Variants in GREB1L observed in about 807,000 individuals in gnomAD.
The protein encoded by GREB1L is GREB1-like protein.
GREB1L carries 17 observed loss-of-function variants against 200.8 expected under a neutral mutation model. The ratio of observed to expected loss-of-function variants is 0.08; its 90% CI spans 0.06 to 0.13. The LOEUF (loss-of-function observed/expected upper bound fraction) is 0.13, where lower values mean the gene tolerates loss of function less well. GREB1L is among the 10% of genes least tolerant of loss of function. GREB1L has a pLI of 1.00. For synonymous variants in GREB1L, 789 were observed against 893.0 expected, an observed-to-expected ratio of 0.88 and a Z score of 2.08; for missense variants, 1,657 against 2,367.7, an observed-to-expected ratio of 0.70 and a Z score of 6.23.
chr18:21,279,663 G>T (rs1199037550), intron 1 of GREB1L, among the ~76,000 whole-genome samples: 1 of 151,838 alleles, frequency 6.6e-6, no homozygotes, highest in African/African-American at 2.4e-5. Flanking sequence ...TTAAGAGGTG[G>T]GGTCTTGCTA....
chr18:21,389,641 C>G (rs2040710777), intron 4 of GREB1L, among the ~76,000 whole-genome samples: 1 of 152,120 alleles, frequency 6.6e-6, no homozygotes, highest in Admixed American at 6.6e-5. Context: ...CTAACTGTGC[C>G]TTCTCTACTC....
chr18:21,286,745 G>T (rs534971483), intron 1 of GREB1L, among the ~76,000 whole-genome samples: 1 of 152,296 alleles, frequency 6.6e-6, no homozygotes, highest in South Asian at 2.1e-4. Context: ...TGATCTGCCT[G>T]CCTTGGCCTC....
At chr18:21,284,374 A>AT (rs2038320145) in intron 1 of GREB1L, among the ~76,000 whole-genome samples, 1 of 152,174 alleles carries the variant, frequency 6.6e-6, no homozygotes, top group African/African-American at 2.4e-5. Flanking sequence ...TCACTGATGT[A>AT]TCTGTCTCTA....
Position 21,490,175 on chromosome 18 carries a change from A to G in GREB1L, c.2854A>G (p.Ser952Gly). Reference sequence around the variant, plus strand: ...CATCAGCTCCCCAGGCAAAAACAAAAGTGGGAGGGGACACATGCTCATTAT... The same window carrying G: ...CATCAGCTCCCCAGGCAAAAACAAAGGTGGGAGGGGACACATGCTCATTAT... The part of the protein sequence containing the change: ...DLISSPGKNK[S>G]GRGHMLIIRV... The change falls in exon 19 of 33, where the codon AGT (serine) becomes GGT (glycine). Residue 952 changes from serine to glycine, a missense_variant. Ser to Gly is a moderately conservative substitution (Grantham distance 56). Around this residue, in one of 9 missense-constraint regions of GREB1L, gnomAD observed 3 missense variants for 18.8 expected, o/e 0.16. Transcript: ENST00000424526. 2 of 1,551,716 alleles carry G rather than the reference A, an allele frequency of 1.3e-6. No individual in the cohort carries two copies. Among genetic ancestry groups the G allele is most frequent in the Non-Finnish European group, 8.7e-7 (1 of 1,147,004 alleles).
chr18:21,481,248 G>A (rs1180622102), intron 17 of GREB1L, among the ~76,000 whole-genome samples: 1 of 152,000 alleles, frequency 6.6e-6, no homozygotes, highest in Non-Finnish European at 1.5e-5. Flanking sequence ...GGGGGCAGGA[G>A]GAGGCACTCC....
chr18:21,455,097 G>C (rs1386181633), intron 15 of GREB1L: 1 of 153,014 alleles, frequency 6.5e-6, no homozygotes, highest in Non-Finnish European at 1.5e-5. Context: ...CCCAGAAAAT[G>C]TGAAAAGGTA....
At chr18:21,395,105 CAAAAAAAA>C (rs372663303) in intron 4 of GREB1L, among the ~76,000 whole-genome samples, 2 of 64,064 alleles carry the variant, frequency 3.1e-5, no homozygotes, top group African/African-American at 9.6e-5. Flanking sequence ...GACTCCATCT[CAAAAAAAA>C]AAAAAAAAAG....
At chr18:21,282,487 T>C (rs1338581540) in intron 1 of GREB1L, among the ~76,000 whole-genome samples, 2 of 152,244 alleles carry the variant, frequency 1.3e-5, no homozygotes, top group African/African-American at 4.8e-5. Context: ...TTATAATTAT[T>C]GTATGAAATT....
At chr18:21,460,051 G>A (rs757648371) in intron 15 of GREB1L, among the ~76,000 whole-genome samples, 3 of 152,072 alleles carry the variant, frequency 2.0e-5, no homozygotes, top group Non-Finnish European at 2.9e-5. Flanking sequence ...CCCAATTTCA[G>A]GCCACACTCT....
chr18:21,439,574 A>G lies in GREB1L; in HGVS notation c.886A>G (p.Thr296Ala). The change falls in exon 8 of 33, where the codon ACT (threonine) becomes GCT (alanine). Residue 296 changes from threonine to alanine, a missense_variant. Transcript: ENST00000424526. Reference sequence around the variant, plus strand: ...AGGGAAGGGCAGTGCATCCAGCTCCACTCCAGCCCACACAGGGAATTACTC... The same window carrying G: ...AGGGAAGGGCAGTGCATCCAGCTCCGCTCCAGCCCACACAGGGAATTACTC... ...HGGKGSASSS[T>A]PAHTGNYSLS... is the part of the protein sequence containing the mutation. 1 of 1,551,768 alleles carries G rather than the reference A, an allele frequency of 6.4e-7. No individual in the cohort carries two copies. Among genetic ancestry groups the G allele is most frequent in the Non-Finnish European group, 8.7e-7 (1 of 1,146,830 alleles).
chr18:21,380,453 T>A (rs1427537674), intron 2 of GREB1L: 2 of 152,102 alleles, frequency 1.3e-5, no homozygotes, highest in Admixed American at 1.3e-4. Context: ...CCAGATAAAT[T>A]TTAAATTCGA....
chr18:21,317,090 T>A (rs1402944858), intron 1 of GREB1L, among the ~76,000 whole-genome samples: 1 of 151,930 alleles, frequency 6.6e-6, no homozygotes, highest in African/African-American at 2.4e-5. Flanking sequence ...ATATATTTTT[T>A]TAAATCTCCT....
chr18:21,459,252 A>T (rs1350063838), intron 15 of GREB1L, among the ~76,000 whole-genome samples: 1 of 147,748 alleles, frequency 6.8e-6, no homozygotes, highest in African/African-American at 2.5e-5. Flanking sequence ...AGGCATTCCC[A>T]CTTTCTTTTC....
intron 23 of GREB1L, among the ~76,000 whole-genome samples, chr18:21,500,940 A>T (rs2036763206): frequency 2.6e-5 from 4 of 152,034 alleles, no homozygotes; most frequent in Admixed American, 1.3e-4. Context: ...ATGGTTGTGC[A>T]CACCTGTAAT....
At chr18:21,309,659 C>T (rs993957487) in intron 1 of GREB1L, among the ~76,000 whole-genome samples, 2 of 152,094 alleles carry the variant, frequency 1.3e-5, no homozygotes, top group Admixed American at 6.6e-5. Context: ...GCCTTTTTCC[C>T]TTACTTTGTC....
At position 21,505,816 on chromosome 18, in the gene GREB1L, T is replaced by C; in HGVS notation, c.4235T>C (p.Ile1412Thr). 1 of 1,551,544 alleles carries C rather than the reference T, an allele frequency of 6.4e-7. No individual in the cohort carries two copies. The highest frequency in any genetic ancestry group is 8.7e-7 in the Non-Finnish European group (1 of 1,146,896). Reference sequence around the variant, plus strand: ...TTTGCCCCTTTATACACAGAAGTGATAAAGGAATCCAAAGTTGAAGAGCCC... The same window carrying C: ...TTTGCCCCTTTATACACAGAAGTGACAAAGGAATCCAAAGTTGAAGAGCCC... ...EKLAGVKQEV[I>T]KESKVEEPRK... The change falls in exon 25 of 33, where the codon ATA (isoleucine) becomes ACA (threonine). Residue 1412 changes from isoleucine to threonine, a missense_variant. Physicochemically the swap from Ile to Thr is moderately conservative, Grantham distance 89. Around this residue, in one of 9 missense-constraint regions of GREB1L, gnomAD observed 512 missense variants for 668.3 expected, o/e 0.77. Coordinates refer to ENST00000424526, the MANE Select transcript of GREB1L (RefSeq NM_001142966.3).
At chr18:21,272,538 A>T (rs1311726054) in intron 1 of GREB1L, among the ~76,000 whole-genome samples, 1 of 152,220 alleles carries the variant, frequency 6.6e-6, no homozygotes, top group Non-Finnish European at 1.5e-5. Flanking sequence ...TAATTTTTTG[A>T]TATTTCTTAA....
At chr18:21,357,200 G>A (rs1329465548) in intron 1 of GREB1L, among the ~76,000 whole-genome samples, 3 of 152,100 alleles carry the variant, frequency 2.0e-5, no homozygotes, top group Non-Finnish European at 4.4e-5. Flanking sequence ...GACTACAGGT[G>A]CATACCACGA....
At chr18:21,511,122 C>A (rs1448663479) in intron 27 of GREB1L, among the ~76,000 whole-genome samples, 3 of 152,214 alleles carry the variant, frequency 2.0e-5, no homozygotes, top group Non-Finnish European at 4.4e-5. Flanking sequence ...CACCTGTAAT[C>A]CCAGCACTCT....
Sources: allele counts gnomAD v4.1 joint callset (sites outside exome capture counted in the v4.1 genomes callset), GRCh38; gene constraint gnomAD v4.1.1; regional missense constraint gnomAD v4.1.1; transcripts MANE v1.5; gene names NCBI Gene and HGNC (gene_info 2026-07-23, HGNC 2026-07-21).